NOL11: variants seen among roughly 807,000 people sequenced by gnomAD.
NOL11 encodes nucleolar protein 11.
A neutral mutation model predicts 93.0 loss-of-function variants in NOL11; 42 were observed. The ratio of observed to expected loss-of-function variants is 0.45; its 90% confidence interval spans 0.35 to 0.58. The LOEUF (loss-of-function observed/expected upper bound fraction) is 0.58, where lower values mean the gene tolerates loss of function less well. Ranked by LOEUF, NOL11 falls within the 20% of genes least tolerant of loss-of-function variation. The pLI is 0.00. For missense variants in NOL11, 775 were observed against 841.8 expected, an observed-to-expected ratio of 0.92 and a Z score of 0.98; for synonymous variants, 296 against 293.7, an observed-to-expected ratio of 1.01 and a Z score of -0.08.
chr17:67,734,582 T>G (rs1332584418), intron 8 of NOL11, 143 bp downstream of exon 8: 2 of 603,306 alleles, frequency 3.3e-6, no homozygotes, highest in African/African-American at 3.8e-5. Flanking sequence ...CTTCAGAAAT[T>G]TAGTTATTTT....
At chr17:67,734,538 G>A (rs1035618823) in intron 8 of NOL11, 99 bp downstream of exon 8, 19 of 704,456 alleles carry the variant, frequency 2.7e-5, no homozygotes, top group Non-Finnish European at 4.7e-5. Flanking sequence ...TGCCCAGGCT[G>A]GTCTTTTACT....
At chr17:67,725,449 C>T (rs558026158) in intron 6 of NOL11, among the ~76,000 whole-genome samples, 1 of 152,156 alleles carries the variant, frequency 6.6e-6, no homozygotes, top group East Asian at 1.9e-4. Flanking sequence ...TTCATGGCTG[C>T]TTTTGAAGTT....
At chr17:67,720,753 T>C (rs74401893) in intron 3 of NOL11, among the ~76,000 whole-genome samples, 1,901 of 152,368 alleles carry the variant, frequency 0.012, 14 homozygotes, top group Non-Finnish European at 0.021. Flanking sequence ...TCTTGAAAGT[T>C]CTTTCCAGTT....
chr17:67,730,297 C>T (rs1192862966), intron 7 of NOL11, among the ~76,000 whole-genome samples: 1 of 151,974 alleles, frequency 6.6e-6, no homozygotes, highest in African/African-American at 2.4e-5. Flanking sequence ...CTCGCTCTGT[C>T]GCCCAGAGGC....
At chr17:67,743,714 A>G in intron 17 of NOL11, 29 bp from the exon 18 acceptor site, 1 of 1,337,408 alleles carries the variant, frequency 7.5e-7, no homozygotes, top group Non-Finnish European at 1.0e-6. Flanking sequence ...ACATTATGGT[A>G]AAAGTTACTC....
Position 67,724,193 on chromosome 17 carries a change from A to T in NOL11, c.664A>T (p.Ser222Cys). Residue 222 changes from serine to cysteine, a missense_variant and splice_region_variant, in exon 6 of 18, where the codon AGC (serine) becomes TGC (cysteine). Physicochemically the swap from Ser to Cys is moderately radical, Grantham distance 112 (BLOSUM62 -1). Coordinates refer to ENST00000253247, the MANE Select transcript of NOL11 (RefSeq NM_015462.5). ...DRKFISLMSL[S>C]SDGCIYETLI... The stretch of plus-strand genomic sequence containing the variant: ...GAAATTCATCTCTTTGATGTCATTA[A>T]GTAAGTTTTCTTTCTTTAAACTTTC... 6.5e-7 allele frequency: 1 copy of T among 1,540,554 alleles called. No individual in the cohort carries two copies. The highest frequency in any genetic ancestry group is 8.8e-7 in the Non-Finnish European group (1 of 1,137,630).
At chr17:67,738,578 T>C (rs2055225667) in intron 14 of NOL11, 1 of 500,714 alleles carries the variant, frequency 2.0e-6, no homozygotes, top group Admixed American at 3.6e-5. Context: ...ATGCCTGTAG[T>C]CCCAGCACTT....
In NOL11 at chr17:67,738,203, GA is replaced by G; in HGVS notation, c.1615del (p.Met539TrpfsTer26). Reference protein sequence around the residue: ...DYSINSVHDEKMEEQTEILQN... With the variant: ...DYSINSVHDEXMEEQTEILQN... ...ATAGTATAAATTCTGTACATGATGAGAAAATGGAAGAGCAAACTGAAATTCT... is the reference window on the plus strand; with the variant it reads ...ATAGTATAAATTCTGTACATGATGAGAAATGGAAGAGCAAACTGAAATTCT... On this transcript the variant is annotated frameshift_variant, in exon 14 of 18. Coordinates refer to ENST00000253247, the MANE Select transcript of NOL11 (RefSeq NM_015462.5). LOFTEE classifies it high-confidence loss of function. 1 of 1,613,300 alleles carries G rather than the reference GA, an allele frequency of 6.2e-7. No homozygotes were observed. Among genetic ancestry groups the G allele is most frequent in the Non-Finnish European group, 8.5e-7 (1 of 1,179,574 alleles).
chr17:67,735,651 G>GT (rs1172403800), intron 8 of NOL11, among the ~76,000 whole-genome samples: 1 of 151,968 alleles, frequency 6.6e-6, no homozygotes, highest in Non-Finnish European at 1.5e-5. Flanking sequence ...AAACAATTGA[G>GT]TTTTTTAAAA....
intron 7 of NOL11, 104 bp downstream of exon 7, chr17:67,726,752 C>G: frequency 1.2e-6 from 1 of 846,280 alleles, no homozygotes; most frequent in South Asian, 2.7e-5. Flanking sequence ...CAGACTAATT[C>G]ATTCTCTTTA....
At chr17:67,723,005 C>CTTTTTT (rs61233443) in intron 5 of NOL11, among the ~76,000 whole-genome samples, 1 of 124,610 alleles carries the variant, frequency 8.0e-6, no homozygotes, top group African/African-American at 3.1e-5. Flanking sequence ...AATTTCAAAA[C>CTTTTTT]TTTTTTTTTT....
At chr17:67,726,408 T>C in intron 6 of NOL11, 52 bp from the exon 7 acceptor site, 1 of 1,453,600 alleles carries the variant, frequency 6.9e-7, no homozygotes, top group Non-Finnish European at 9.3e-7. Context: ...TTAACTGTAA[T>C]AGATATAGAA....
rs911630368 is a variant in NOL11, at chr17:67,718,086, A to C, written c.139A>C (p.Lys47Gln). The C allele has an allele frequency of 1.9e-5, 30 of 1,613,878 alleles. No individual in the cohort carries two copies. The highest frequency in any genetic ancestry group is 2.3e-5 in the Non-Finnish European group (27 of 1,179,930). Residue 47 changes from lysine (K) to glutamine (Q), a missense_variant and splice_region_variant, in exon 1 of 18, where the codon AAG becomes CAG. Physicochemically the swap from Lys to Gln is moderately conservative, Grantham distance 53. This residue lies in a region of NOL11 where 359 missense variants were observed against 316.5 expected (regional missense o/e 1.13). Coordinates refer to ENST00000253247, the MANE Select transcript of NOL11 (RefSeq NM_015462.5). ...TDSGRTVILY[K>Q]VSDQKPLGSW... is the part of the protein sequence containing the mutation. The stretch of plus-strand genomic sequence containing the variant: ...CAGCGGCAGGACAGTCATCCTCTAT[A>C]AGGTGAAGGCAATAGGTTTGGGAGC...
chr17:67,722,385 A>G (rs533873543), intron 4 of NOL11, among the ~76,000 whole-genome samples, 195 bp from the exon 5 acceptor site: 1 of 152,202 alleles, frequency 6.6e-6, no homozygotes, highest in African/African-American at 2.4e-5. Flanking sequence ...AATAACCTGC[A>G]TTTAATCCAG....
At chr17:67,728,564 T>C (rs915825209) in intron 7 of NOL11, among the ~76,000 whole-genome samples, 32 of 152,286 alleles carry the variant, frequency 2.1e-4, no homozygotes, top group African/African-American at 7.7e-4. Flanking sequence ...TTATTTCTGC[T>C]CTACCTCCCT....
At chr17:67,719,645 G>A in intron 1 of NOL11, 29 bp from the exon 2 acceptor site, 5 of 1,132,224 alleles carry the variant, frequency 4.4e-6, no homozygotes, top group Non-Finnish European at 6.6e-6. Context: ...TTGACTTCTT[G>A]AATATTGTAT....
intron 7 of NOL11, among the ~76,000 whole-genome samples, chr17:67,729,584 CT>C (rs1320539201): frequency 0.031 from 4,605 of 146,348 alleles, 217 homozygotes; most frequent in African/African-American, 0.11. Flanking sequence ...TCATACAATA[CT>C]TTTTTTTTTT....
intron 11 of NOL11, 68 bp downstream of exon 11, chr17:67,737,213 C>T (rs1458666926): frequency 1.9e-5 from 18 of 928,356 alleles, no homozygotes; most frequent in Non-Finnish European, 2.5e-5. Flanking sequence ...ATCTACTCTT[C>T]GTTCTGTCTT....
At chr17:67,729,704 G>A (rs1040310344) in intron 7 of NOL11, among the ~76,000 whole-genome samples, 4 of 151,296 alleles carry the variant, frequency 2.6e-5, no homozygotes, top group South Asian at 2.1e-4. Context: ...TCAGCCTCCC[G>A]AGTAGCTGGG....
Sources: gnomAD v4.1 joint callset for allele counts (sites outside exome capture counted in the v4.1 genomes callset) on GRCh38, gnomAD v4.1.1 for gene constraint, gnomAD v4.1.1 regional missense constraint, MANE v1.5 for transcripts, NCBI Gene and HGNC (gene_info 2026-07-23, HGNC 2026-07-21) for gene names.